COBLL1: variants seen among roughly 807,000 people sequenced by gnomAD.
COBLL1 encodes the protein cordon-bleu WH2 repeat protein like 1, also known as cordon-bleu protein-like 1.
In COBLL1, 50 loss-of-function variants were observed where a neutral mutation model predicts 94.8. The ratio of observed to expected loss-of-function variants is 0.53; its 90% CI spans 0.42 to 0.67. COBLL1 has a LOEUF of 0.67. COBLL1 is among the 30% of genes least tolerant of loss of function. The probability of loss-of-function intolerance (pLI) is 0.00; values close to 1 mark genes in which losing one functional copy is unlikely to be tolerated. For missense variants in COBLL1, 1,362 were observed against 1,348.7 expected, an observed-to-expected ratio of 1.01 and a Z score of -0.15; for synonymous variants, 448 against 473.8, an observed-to-expected ratio of 0.95 and a Z score of 0.71.
At chr2:164,678,725 C>G (rs1425407586), downstream of COBLL1, among the ~76,000 whole-genome samples, 1 of 152,090 alleles carries the variant, frequency 6.6e-6, no homozygotes, top group African/African-American at 2.4e-5. Context: ...TAAAGCACTT[C>G]TGAAAAAAGG....
intron 2 of COBLL1, among the ~76,000 whole-genome samples, chr2:164,777,759 GA>G (rs1388390334): frequency 5.9e-5 from 9 of 152,094 alleles, no homozygotes; most frequent in Non-Finnish European, 1.2e-4. Context: ...AAGTGTAAAA[GA>G]AACTGGCATA....
intron 2 of COBLL1, among the ~76,000 whole-genome samples, chr2:164,811,429 G>A (rs530355186): frequency 2.0e-5 from 3 of 151,980 alleles, no homozygotes; most frequent in Non-Finnish European, 3.0e-5. Flanking sequence ...TTAACTGGCC[G>A]TGATTGTCTT....
At chr2:164,798,682 A>G (rs1196596354) in intron 2 of COBLL1, among the ~76,000 whole-genome samples, 2 of 152,270 alleles carry the variant, frequency 1.3e-5, no homozygotes, top group East Asian at 3.9e-4. Flanking sequence ...ATTTGGTTCT[A>G]TTCACAGCAA....
intron 1 of COBLL1, among the ~76,000 whole-genome samples, chr2:164,671,056 T>C (rs764971942): frequency 1.5e-4 from 23 of 152,104 alleles, no homozygotes; most frequent in African/African-American, 5.3e-4. Flanking sequence ...CTGAAACCCA[T>C]AGAGATGATA....
intron 2 of COBLL1, among the ~76,000 whole-genome samples, chr2:164,827,801 T>C (rs76440311): frequency 0.043 from 6,482 of 152,282 alleles, 453 homozygotes; most frequent in African/African-American, 0.15. Flanking sequence ...AATGGGGATA[T>C]TTAGGTTGTA....
At chr2:164,749,033 C>A (rs539032228) in intron 2 of COBLL1, among the ~76,000 whole-genome samples, 177 of 152,142 alleles carry the variant, frequency 1.2e-3, no homozygotes, top group African/African-American at 4.0e-3. Context: ...ATTTACAGGG[C>A]ACTCCAAAAT....
chr2:164,789,407 TACAAG>T (rs1683063744), intron 2 of COBLL1, among the ~76,000 whole-genome samples: 1 of 152,048 alleles, frequency 6.6e-6, no homozygotes, highest in Admixed American at 6.6e-5. Context: ...TATCCTGTCT[TACAAG>T]GCTGATAGAA....
In COBLL1 at chr2:164,737,612, C is replaced by T. The variant is rs1223744527; in HGVS notation, c.230+6075G>A. Among the ~76,000 whole-genome samples the T allele has an allele frequency of 2.0e-5, 3 of 149,152 alleles. No individual in the cohort carries two copies. In the East Asian group the frequency reaches 5.8e-4, roughly 29 times the overall value. ...TGACAGTTAAAAAAAAATTACCCTGCTATAAACATATATTTATCACACATT... is the reference window on the plus strand; with the variant it reads ...TGACAGTTAAAAAAAAATTACCCTGTTATAAACATATATTTATCACACATT... On this transcript the variant is annotated intron_variant, in intron 3 of 13. Transcript: ENST00000652658.
intron 2 of COBLL1, among the ~76,000 whole-genome samples, chr2:164,803,655 T>C (rs1683940704): frequency 6.6e-6 from 1 of 152,134 alleles, no homozygotes; most frequent in Admixed American, 6.5e-5. Context: ...CCATCTATTT[T>C]TAGATAAGTA....
At chr2:164,734,374 C>G (rs147505946) in intron 3 of COBLL1, among the ~76,000 whole-genome samples, 47 of 152,164 alleles carry the variant, frequency 3.1e-4, no homozygotes, top group African/African-American at 1.1e-3. Context: ...TAAAGAAAAA[C>G]AGAAACTAGT....
chr2:164,719,158 C>A (rs2105491446), intron 7 of COBLL1, among the ~76,000 whole-genome samples: 1 of 151,568 alleles, frequency 6.6e-6, no homozygotes, highest in East Asian at 1.9e-4. Context: ...TAAAAGACAT[C>A]ATGAAGGGAG....
In COBLL1 at chr2:164,759,839, T is replaced by C. The variant is rs541910701; in HGVS notation, c.42-15964A>G. Among the ~76,000 whole-genome samples, 11 of 152,196 alleles carry C rather than the reference T, an allele frequency of 7.2e-5. No individual in the cohort carries two copies. The East Asian group carries it at 2.1e-3, about 29-fold the overall frequency. ...ACATTATCTATTAGGAAAATGCAAATTAAAGCTATGATGATCTACCACTAC... is the reference window on the plus strand; with the variant it reads ...ACATTATCTATTAGGAAAATGCAAACTAAAGCTATGATGATCTACCACTAC... On this transcript the variant is annotated intron_variant, in intron 2 of 13. Coordinates refer to ENST00000652658, the MANE Select transcript of COBLL1 (RefSeq NM_001365672.2).
chr2:164,695,526 T>A lies in COBLL1; in HGVS notation c.1866A>T (p.Leu622Phe), dbSNP rs576695380. 94 of 1,614,006 alleles carry A rather than the reference T, an allele frequency of 5.8e-5. No individual in the cohort carries two copies. The highest frequency in any genetic ancestry group is 3.3e-4 in the Middle Eastern group (2 of 6,058). The change falls in exon 12 of 14, where the codon TTA becomes TTT. Residue 622 changes from leucine (L) to phenylalanine (F), a missense_variant. Coordinates refer to ENST00000652658, the MANE Select transcript of COBLL1 (RefSeq NM_001365672.2). ...CACATTCTTCAACTTTGGAGTCAGA[T>A]AAATTATGATCTTGGTGTTTCCCAT... ...SFDGKHQDHN[L>F]SDSKVEECVQ... is the part of the protein sequence containing the mutation.
chr2:164,679,599 G>A (rs1278793977), downstream of COBLL1, among the ~76,000 whole-genome samples: 1 of 151,922 alleles, frequency 6.6e-6, no homozygotes, highest in Non-Finnish European at 1.5e-5. Context: ...CTACCTCAAG[G>A]GACATGTAGC....
intron 2 of COBLL1, among the ~76,000 whole-genome samples, chr2:164,836,219 TATG>T (rs1193257022): frequency 2.0e-5 from 3 of 152,152 alleles, no homozygotes; most frequent in Non-Finnish European, 2.9e-5. Flanking sequence ...GACTTTGTCA[TATG>T]ATGAAAAAAA....
intron 2 of COBLL1, among the ~76,000 whole-genome samples, chr2:164,788,429 G>A (rs1466069827): frequency 6.6e-6 from 1 of 152,090 alleles, no homozygotes; most frequent in African/African-American, 2.4e-5. Context: ...TAGCTTTCAT[G>A]GAGGTTATGA....
chr2:164,798,142 C>T (rs1683566917), intron 2 of COBLL1, among the ~76,000 whole-genome samples: 1 of 152,144 alleles, frequency 6.6e-6, no homozygotes, highest in East Asian at 1.9e-4. Flanking sequence ...AGAATTCTGG[C>T]TAGATAAATC....
rs1683424625 is a variant in COBLL1 at position 164,688,500 on chromosome 2, T to C, written c.3301-2468A>G. The stretch of plus-strand genomic sequence containing the variant: ...GAACATATTACACTTATAATACAGA[T>C]ACTTAAAAAAACAGCATTTAAGAAT... On this transcript the variant is annotated intron_variant, in intron 13 of 13. Coordinates refer to ENST00000652658, the MANE Select transcript of COBLL1 (RefSeq NM_001365672.2). 2.6e-5 allele frequency among the ~76,000 whole-genome samples: 4 copies of C among 152,134 alleles called. No homozygotes were observed. The South Asian group carries it at 8.3e-4, about 31-fold the overall frequency.
Position 164,841,376 on chromosome 2 carries a change from C to T in COBLL1, c.-50-130G>A, listed in dbSNP as rs1683605892. The T allele has an allele frequency of 8.5e-7, 1 of 1,183,288 alleles. No homozygotes were observed. Among genetic ancestry groups the T allele is most frequent in the Non-Finnish European group, 1.0e-6 (1 of 957,308 alleles). 73.3% of individuals were successfully genotyped at this position (1,183,288 alleles called of 1,614,324 possible). A position where few individuals can be genotyped will look rare whatever the true frequency, so the allele number is the denominator to read the frequency against. ...GCCGGCCCGCCTCCCGGGTGCGCTT[C>T]CACCTGCGGGCCCCGGCTCCCAGCC... On this transcript the variant is annotated intron_variant, in intron 1 of 13. Coordinates refer to ENST00000652658, the MANE Select transcript of COBLL1 (RefSeq NM_001365672.2). The surrounding 1 kb of genome is among the most constrained non-coding windows in gnomAD (Gnocchi z 5.5).
Sources: allele counts gnomAD v4.1 joint callset (sites outside exome capture counted in the v4.1 genomes callset), GRCh38; gene constraint gnomAD v4.1.1; non-coding constraint Gnocchi (gnomAD v3.1); transcripts MANE v1.5; gene names NCBI Gene and HGNC (gene_info 2026-07-23, HGNC 2026-07-21).